USO1: variants seen among roughly 807,000 people sequenced by gnomAD.
USO1 encodes the protein general vesicular transport factor p115.
A neutral mutation model predicts 124.5 loss-of-function variants in USO1; 57 were observed. The observed-to-expected ratio is 0.46, with a 90% CI of 0.37 to 0.57. The LOEUF (loss-of-function observed/expected upper bound fraction) is 0.57. Ranked by LOEUF, USO1 falls within the 20% of genes least tolerant of loss-of-function variation. The pLI is 0.00. For synonymous variants in USO1, 369 were observed against 362.8 expected (o/e 1.02, Z -0.19); for missense variants, 900 against 1,040.6 (o/e 0.86, Z 1.86).
intron 3 of USO1, among the ~76,000 whole-genome samples, chr4:75,756,733 G>A (rs994850987): frequency 2.0e-4 from 31 of 151,548 alleles, no homozygotes; most frequent in Admixed American, 1.7e-3. Context: ...GGCTGGTCTC[G>A]AACTCCCAAC....
Position 75,752,622 on chromosome 4 carries a change from G to T in USO1, c.218+18G>T. On this transcript the variant is annotated intron_variant, in intron 3 of 23. Transcript: ENST00000514213. ...ACAGATCGGTAAGTCTCTGTTTAATGATTTTTTTCCCTAATTTTTCTTGAA... is the reference window on the plus strand; with the variant it reads ...ACAGATCGGTAAGTCTCTGTTTAATTATTTTTTTCCCTAATTTTTCTTGAA... The T allele has an allele frequency of 2.5e-6, 1 of 398,344 alleles. No homozygotes were observed. The highest frequency in any genetic ancestry group is 4.4e-6 in the Non-Finnish European group (1 of 225,986). 24.7% of individuals were successfully genotyped at this position (398,344 alleles called of 1,614,324 possible).
chr4:75,811,157 CT>C (rs939315988), intron 22 of USO1, among the ~76,000 whole-genome samples: 83 of 145,702 alleles, frequency 5.7e-4, no homozygotes, highest in Middle Eastern at 3.5e-3. Flanking sequence ...CTTTCTTTTT[CT>C]TTTTTTTTTT....
At chr4:75,793,972 T>C (rs1722604962) in intron 13 of USO1, 71 bp downstream of exon 13, 1 of 1,583,000 alleles carries the variant, frequency 6.3e-7, no homozygotes, top group Non-Finnish European at 8.6e-7. Context: ...AGGATGTCTT[T>C]AGAAGATGCA....
At chr4:75,784,127 C>A (rs1461658201) in intron 9 of USO1, among the ~76,000 whole-genome samples, 2 of 152,146 alleles carry the variant, frequency 1.3e-5, no homozygotes, top group African/African-American at 4.8e-5. Flanking sequence ...CTCAAGAAAT[C>A]CCCCCACCTC....
At chr4:75,738,867 TA>T (rs1720871639) in intron 1 of USO1, among the ~76,000 whole-genome samples, 1 of 151,948 alleles carries the variant, frequency 6.6e-6, no homozygotes, top group African/African-American at 2.4e-5. Context: ...TTGTTTGGTT[TA>T]TTTTTTTGGA....
intron 12 of USO1, among the ~76,000 whole-genome samples, chr4:75,792,028 T>C (rs1374903703): frequency 6.6e-6 from 1 of 152,058 alleles, no homozygotes; most frequent in African/African-American, 2.4e-5. Context: ...GCTTCTTTTT[T>C]TTTTTTTTTT....
intron 1 of USO1, among the ~76,000 whole-genome samples, chr4:75,730,143 T>C (rs907819597): frequency 2.0e-5 from 3 of 152,200 alleles, no homozygotes; most frequent in African/African-American, 7.2e-5. Flanking sequence ...GCACTCTTTT[T>C]AAGTAGGGCC....
intron 20 of USO1, among the ~76,000 whole-genome samples, chr4:75,807,848 T>C (rs755537456): frequency 3.3e-5 from 5 of 152,136 alleles, no homozygotes; most frequent in Non-Finnish European, 7.4e-5. Context: ...GTTTTTTTAC[T>C]TTCTCCAGTT....
chr4:75,756,850 AG>A (rs1397778597), intron 3 of USO1, among the ~76,000 whole-genome samples: 1 of 152,032 alleles, frequency 6.6e-6, no homozygotes, highest in Admixed American at 6.6e-5. Context: ...TATATAAAGA[AG>A]AAAAACACTC....
At position 75,743,938 on chromosome 4, in the gene USO1, G is replaced by A. The variant is rs528443210; in HGVS notation, c.67-8435G>A. Among the ~76,000 whole-genome samples the A allele has an allele frequency of 6.2e-4, 94 of 152,092 alleles. 1 individual carries two copies. The South Asian group carries it at 0.017, about 27-fold the overall frequency. On this transcript the variant is annotated intron_variant, in intron 1 of 23. Transcript: ENST00000514213. ...ACTACAGGCGCCCGCCACCACGGCC[G>A]GCTAATTTTTTGTATTTTTAGTAGA...
chr4:75,760,816 A>G (rs541538755), intron 4 of USO1, among the ~76,000 whole-genome samples: 1 of 152,330 alleles, frequency 6.6e-6, no homozygotes, highest in East Asian at 1.9e-4. Flanking sequence ...ACTGTCCAGA[A>G]CACATAAAAT....
chr4:75,804,911 C>G (rs443952), intron 18 of USO1: 43,776 of 395,312 alleles, frequency 0.11, 2,689 homozygotes, highest in Middle Eastern at 0.16. Context: ...TCATAGATCA[C>G]CAGACCATGC....
At chr4:75,806,853 T>G (rs1049044295) in intron 20 of USO1, among the ~76,000 whole-genome samples, 2 of 152,158 alleles carry the variant, frequency 1.3e-5, no homozygotes, top group Non-Finnish European at 2.9e-5. Flanking sequence ...AAATTTAAAT[T>G]TATAACTTGC....
At position 75,813,199 on chromosome 4, in the gene USO1, C is replaced by T; in HGVS notation, c.2800-7C>T. On this transcript the variant is annotated splice_polypyrimidine_tract_variant and splice_region_variant and intron_variant, in intron 23 of 23. Transcript: ENST00000514213. Reference sequence around the variant, plus strand: ...TTCACAATATTAAATACGTCTTTTTCCTCTAGGTTGAAGAAGAGGATGAAC... The same window carrying T: ...TTCACAATATTAAATACGTCTTTTTTCTCTAGGTTGAAGAAGAGGATGAAC... 1 of 1,600,576 alleles carries T rather than the reference C, an allele frequency of 6.2e-7. No homozygotes were observed. Among genetic ancestry groups the T allele is most frequent in the Admixed American group, 1.8e-5 (1 of 56,020 alleles).
At chr4:75,782,957 G>A in intron 9 of USO1, 99 bp downstream of exon 9, 1 of 1,411,574 alleles carries the variant, frequency 7.1e-7, no homozygotes, top group Non-Finnish European at 9.2e-7. Flanking sequence ...AATATTTGAT[G>A]GATTTCAGGT....
At chr4:75,765,079 A>C (rs1483036096) in intron 4 of USO1, among the ~76,000 whole-genome samples, 1 of 152,216 alleles carries the variant, frequency 6.6e-6, no homozygotes, top group Non-Finnish European at 1.5e-5. Context: ...TTTCAAACGC[A>C]TGATTTTTAA....
chr4:75,783,032 A>C (rs967031114), intron 9 of USO1, among the ~76,000 whole-genome samples, 174 bp downstream of exon 9: 8 of 152,204 alleles, frequency 5.3e-5, no homozygotes, highest in African/African-American at 1.9e-4. Context: ...TTGCCTACCC[A>C]TTACTTAGCT....
At chr4:75,785,355 A>AT (rs1364347841) in intron 9 of USO1, among the ~76,000 whole-genome samples, 2 of 152,020 alleles carry the variant, frequency 1.3e-5, no homozygotes, top group African/African-American at 2.4e-5. Flanking sequence ...AAAATATTTT[A>AT]TTTTTTTAAA....
intron 8 of USO1, among the ~76,000 whole-genome samples, chr4:75,775,347 G>A (rs1011547190): frequency 2.0e-5 from 3 of 151,926 alleles, no homozygotes; most frequent in Non-Finnish European, 2.9e-5. Flanking sequence ...GAGACCAGTC[G>A]GGCCAACATG....
Sources: gnomAD v4.1 joint callset for allele counts (sites outside exome capture counted in the v4.1 genomes callset) on GRCh38, gnomAD v4.1.1 for gene constraint, MANE v1.5 for transcripts, NCBI Gene and HGNC (gene_info 2026-07-23, HGNC 2026-07-21) for gene names.